The following RASAL1 variants were observed in gnomAD, a reference collection of about 807,000 sequenced individuals.
RASAL1 encodes RAS protein activator like 1, also known as rasGAP-activating-like protein 1.
A neutral mutation model predicts 96.6 loss-of-function variants in RASAL1; 72 were observed. The ratio of observed to expected loss-of-function variants is 0.75; its 90% CI spans 0.62 to 0.91. RASAL1 has a LOEUF of 0.91. Ranked by LOEUF, RASAL1 falls within the 40% of genes least tolerant of loss-of-function variation. RASAL1 has a pLI of 0.00. For synonymous variants in RASAL1, 405 were observed against 430.4 expected (o/e 0.94, Z 0.73); for missense variants, 1,016 against 1,072.5 (o/e 0.95, Z 0.74).
At chr12:113,121,726 A>ATT (rs368508759) in intron 4 of RASAL1, 88 bp from the exon 5 acceptor site, 431 of 1,186,448 alleles carry the variant, frequency 3.6e-4, no homozygotes, top group Non-Finnish European at 4.0e-4. Flanking sequence ...CATTATTTTC[A>ATT]TTTTTTTTTT....
chr12:113,119,372 A>C lies in RASAL1; in HGVS notation c.500T>G (p.Leu167Trp). 1 of 1,612,856 alleles carries C rather than the reference A, an allele frequency of 6.2e-7. No homozygotes were observed. The highest frequency in any genetic ancestry group is 8.5e-7 in the Non-Finnish European group (1 of 1,179,444). Residue 167 changes from leucine (L) to tryptophan (W), a missense_variant, in exon 6 of 21, where the codon TTG becomes TGG. By Grantham distance (61) the Leu-to-Trp change is moderately conservative. Coordinates refer to ENST00000548055, the MANE Select transcript of RASAL1 (RefSeq NM_001301202.2). ...TTCCCCACCACTCACTGAGGTCTCC[A>C]AGCTCTGGCTGCCCCAAAACACACG... ...FARVFWGSQS[L>W]ETSTIKKTRF...
In RASAL1 at chr12:113,099,626, A is replaced by C; in HGVS notation, c.*303T>G. The C allele has an allele frequency of 3.8e-6, 1 of 266,540 alleles. No individual in the cohort carries two copies. The highest frequency in any genetic ancestry group is 6.5e-5 in the East Asian group (1 of 15,320). 16.5% of individuals were successfully genotyped at this position (266,540 alleles called of 1,614,324 possible). A position where few individuals can be genotyped will look rare whatever the true frequency, so the allele number is the denominator to read the frequency against. On this transcript the variant is annotated 3_prime_UTR_variant, in exon 21 of 21. Coordinates refer to ENST00000548055, the MANE Select transcript of RASAL1 (RefSeq NM_001301202.2). Reference sequence around the variant, plus strand: ...CCAGGCTGGCCTCCTTGGTATGGATAGAGGCCAGTTTGGTGAAGTAGAGAC... The same window carrying C: ...CCAGGCTGGCCTCCTTGGTATGGATCGAGGCCAGTTTGGTGAAGTAGAGAC...
At chr12:113,128,273 C>G (rs945201161) in intron 2 of RASAL1, 95 bp from the exon 3 acceptor site, 2 of 741,830 alleles carry the variant, frequency 2.7e-6, no homozygotes, top group African/African-American at 3.5e-5. Context: ...CACACACACA[C>G]ACACACACGG....
intron 13 of RASAL1, among the ~76,000 whole-genome samples, chr12:113,111,117 C>G (rs573436110): frequency 6.6e-6 from 1 of 152,146 alleles, no homozygotes; most frequent in South Asian, 2.1e-4. Flanking sequence ...TCTTGCGCCT[C>G]GTCTGCCTGA....
Position 113,130,253 on chromosome 12 carries a change from C to T in RASAL1, c.122+632G>A, listed in dbSNP as rs148574885. On this transcript the variant is annotated intron_variant, in intron 2 of 20. Coordinates refer to ENST00000548055, the MANE Select transcript of RASAL1 (RefSeq NM_001301202.2). The surrounding 1 kb of genome is among the most constrained non-coding windows in gnomAD (Gnocchi z 5.1). ...TATCCCCCTGCGAGACTCACTGACACCCCAAACATCCTCACACCTTCACAT... is the reference window on the plus strand; with the variant it reads ...TATCCCCCTGCGAGACTCACTGACATCCCAAACATCCTCACACCTTCACAT... 4.7e-3 allele frequency among the ~76,000 whole-genome samples: 720 copies of T among 152,322 alleles called. 4 individuals are homozygous for T. Among genetic ancestry groups the T allele is most frequent in the African/African-American group, 0.016 (679 of 41,568 alleles).
In RASAL1 at chr12:113,123,826, G is replaced by A. The variant is rs143662886; in HGVS notation, c.299-2188C>T. 0.016 allele frequency among the ~76,000 whole-genome samples: 2,400 copies of A among 151,620 alleles called. 111 individuals carry two copies. In the East Asian group the frequency reaches 0.18, roughly 11 times the overall value. On this transcript the variant is annotated intron_variant, in intron 4 of 20. Coordinates refer to ENST00000548055, the MANE Select transcript of RASAL1 (RefSeq NM_001301202.2). ...TCGAACTCCTGACCTCAACTGATCCGCCAGCCTCGGCCTCCCAAAGTTCTG... is the reference window on the plus strand; with the variant it reads ...TCGAACTCCTGACCTCAACTGATCCACCAGCCTCGGCCTCCCAAAGTTCTG...
At chr12:113,135,804 C>T, upstream of RASAL1, 1 of 231,110 alleles carries the variant, frequency 4.3e-6, no homozygotes, top group South Asian at 7.5e-5. This position sits in a 1 kb window ranked among gnomAD's most constrained non-coding sequence, Gnocchi z 5.7. Flanking sequence ...TCCCCACAAT[C>T]CCGCCTCCAA....
intron 18 of RASAL1, among the ~76,000 whole-genome samples, chr12:113,103,436 TC>T (rs1950531117): frequency 1.3e-5 from 2 of 152,138 alleles, no homozygotes; most frequent in South Asian, 4.2e-4. Context: ...GGAAACCCCG[TC>T]CCTACTAAAA....
rs143449206 is a variant in RASAL1 at position 113,129,722 on chromosome 12, GCA to G, written c.122+1161_122+1162del. 4.6e-5 allele frequency among the ~76,000 whole-genome samples: 7 copies of G among 151,162 alleles called. No individual in the cohort carries two copies. The highest frequency in any genetic ancestry group is 2.1e-4 in the South Asian group (1 of 4,760). On this transcript the variant is annotated intron_variant, in intron 2 of 20. Transcript: ENST00000548055. The surrounding 1 kb of genome is among the most constrained non-coding windows in gnomAD (Gnocchi z 5.0). ...AGAGTGCACATATGCGCGCGTGCGC[GCA>G]CACACACACACACACCCCGCCTTCT...
intron 13 of RASAL1, among the ~76,000 whole-genome samples, chr12:113,108,805 A>G (rs911633865): frequency 2.0e-5 from 3 of 151,290 alleles, no homozygotes; most frequent in African/African-American, 7.3e-5. Context: ...GGACTTAGGC[A>G]GGATTTGATT....
chr12:113,128,839 A>G (rs146988485), intron 2 of RASAL1, among the ~76,000 whole-genome samples: 211 of 152,304 alleles, frequency 1.4e-3, no homozygotes, highest in African/African-American at 4.9e-3. Context: ...ATATGAAAAC[A>G]TATGAAAATA....
chr12:113,115,233 G>A lies in RASAL1; in HGVS notation c.1035C>T (p.Ser345=). The change falls in exon 11 of 21, where the codon TCC becomes TCT. Residue 345 remains serine, a synonymous_variant. Transcript: ENST00000548055. The surrounding 1 kb of genome is among the most constrained non-coding windows in gnomAD (Gnocchi z 4.1). ...MDPNTLFRSN[S]LASKSMEQFM... is the part of the protein sequence containing the mutation. ...ACTGTTCCATCGACTTGGATGCCAG[G>A]GAGTTAGAACGGAAGAGGGTGTTGG... 6.2e-7 allele frequency: 1 copy of A among 1,614,012 alleles called. No individual in the cohort carries two copies. The highest frequency in any genetic ancestry group is 8.5e-7 in the Non-Finnish European group (1 of 1,179,868).
intron 4 of RASAL1, among the ~76,000 whole-genome samples, chr12:113,127,378 G>T (rs1438479271): frequency 2.0e-5 from 3 of 152,188 alleles, no homozygotes; most frequent in Non-Finnish European, 2.9e-5. Context: ...GGGCATAGTG[G>T]CTCACACTTG....
rs1439278918 is a variant in RASAL1 at position 113,115,761 on chromosome 12, G to T, written c.877C>A (p.Leu293Met). 1 of 1,614,140 alleles carries T rather than the reference G, an allele frequency of 6.2e-7. No individual in the cohort carries two copies. Among genetic ancestry groups the T allele is most frequent in the South Asian group, 1.1e-5 (1 of 91,072 alleles). The change falls in exon 10 of 21, where the codon CTG (leucine) becomes ATG (methionine). Residue 293 changes from leucine (L) to methionine (M), a missense_variant. By Grantham distance (15) the Leu-to-Met change is conservative (BLOSUM62 2). Coordinates refer to ENST00000548055, the MANE Select transcript of RASAL1 (RefSeq NM_001301202.2). This position sits in a 1 kb window ranked among gnomAD's most constrained non-coding sequence, Gnocchi z 4.1. ...EEDTASPLALLEELTLGDCRQ... is the reference protein window; with the variant it reads ...EEDTASPLALMEELTLGDCRQ... ...CAGTCCCCCAAGGTCAGCTCTTCCAGCAAAGCCAAGGGGCTAGCAGTGTCC... is the reference window on the plus strand; with the variant it reads ...CAGTCCCCCAAGGTCAGCTCTTCCATCAAAGCCAAGGGGCTAGCAGTGTCC...
chr12:113,118,930 T>C (rs900624315), intron 7 of RASAL1, among the ~76,000 whole-genome samples, 198 bp downstream of exon 7: 2 of 152,192 alleles, frequency 1.3e-5, no homozygotes, highest in African/African-American at 4.8e-5. Flanking sequence ...GATAGGTTCC[T>C]GTACCTTTGA....
intron 19 of RASAL1, 151 bp downstream of exon 19, chr12:113,101,738 G>A: frequency 1.9e-6 from 2 of 1,028,484 alleles, no homozygotes; most frequent in South Asian, 1.8e-5. Flanking sequence ...CCCTGACTGT[G>A]TAGACACCCA....
chr12:113,125,536 C>T (rs918359877), intron 4 of RASAL1, among the ~76,000 whole-genome samples: 4 of 152,160 alleles, frequency 2.6e-5, no homozygotes, highest in Admixed American at 1.3e-4. Context: ...TAAACCTATG[C>T]TGAGGCAATA....
chr12:113,102,364 C>G (rs1487102550), intron 18 of RASAL1, among the ~76,000 whole-genome samples: 2 of 152,204 alleles, frequency 1.3e-5, no homozygotes, highest in Non-Finnish European at 2.9e-5. Context: ...TTCAGACCAG[C>G]CTGGCCAATG....
chr12:113,102,070 C>A, intron 18 of RASAL1, 61 bp from the exon 19 acceptor site: 2 of 1,571,632 alleles, frequency 1.3e-6, no homozygotes, highest in Non-Finnish European at 1.7e-6. Flanking sequence ...GCCTCCACAG[C>A]CAGGCATTCG....
Sources: gnomAD v4.1 joint callset for allele counts (sites outside exome capture counted in the v4.1 genomes callset) on GRCh38, gnomAD v4.1.1 for gene constraint, Gnocchi (gnomAD v3.1) non-coding constraint, MANE v1.5 for transcripts, NCBI Gene and HGNC (gene_info 2026-07-23, HGNC 2026-07-21) for gene names.